The following RPTOR variants were observed in gnomAD, a reference collection of about 807,000 sequenced individuals.
RPTOR encodes the protein regulatory associated protein of MTOR complex 1, also known as regulatory-associated protein of mTOR.
A neutral mutation model predicts 169.9 loss-of-function variants in RPTOR; 21 were observed. That is an observed-to-expected ratio of 0.12 (90% CI 0.09 to 0.18). The LOEUF is 0.18. Ranked by LOEUF, RPTOR falls within the 10% of genes least tolerant of loss-of-function variation. RPTOR has a pLI of 1.00. For synonymous variants in RPTOR, 732 were observed against 753.2 expected, an observed-to-expected ratio of 0.97 and a Z score of 0.46; for missense variants, 1,133 against 1,855.9, an observed-to-expected ratio of 0.61 and a Z score of 7.16.
chr17:80,735,354 C>T (rs1356713002), intron 5 of RPTOR, among the ~76,000 whole-genome samples: 1 of 152,036 alleles, frequency 6.6e-6, no homozygotes, highest in African/African-American at 2.4e-5. Context: ...CAGATAAATG[C>T]CATAAGAGGA....
At chr17:80,937,118 G>A (rs879446295) in intron 24 of RPTOR, among the ~76,000 whole-genome samples, 5 of 152,196 alleles carry the variant, frequency 3.3e-5, no homozygotes, top group Non-Finnish European at 5.9e-5. Context: ...CATCACAGAG[G>A]CAAATTTGCC....
At chr17:80,958,208 CCA>C (rs2069281395) in intron 29 of RPTOR, among the ~76,000 whole-genome samples, 2 of 148,956 alleles carry the variant, frequency 1.3e-5, no homozygotes, top group South Asian at 2.2e-4. Flanking sequence ...CCCCCCCCCC[CCA>C]CCACCAAGTA....
chr17:80,882,828 A>G (rs980135963), intron 14 of RPTOR, among the ~76,000 whole-genome samples: 3 of 152,228 alleles, frequency 2.0e-5, no homozygotes, highest in Non-Finnish European at 4.4e-5. Context: ...GCAATAATCC[A>G]AGGAGCCCTG....
At chr17:80,825,551 T>C (rs1031352440) in intron 9 of RPTOR, among the ~76,000 whole-genome samples, 3 of 152,228 alleles carry the variant, frequency 2.0e-5, no homozygotes, top group Admixed American at 2.0e-4. Flanking sequence ...AAAGGCCAGC[T>C]ATTCTGCAGA....
intron 5 of RPTOR, among the ~76,000 whole-genome samples, chr17:80,734,079 C>T (rs1159993583): frequency 1.3e-5 from 2 of 152,230 alleles, no homozygotes; most frequent in Non-Finnish European, 2.9e-5. Flanking sequence ...AACCTTGTAC[C>T]TGATTATGAC....
intron 1 of RPTOR, among the ~76,000 whole-genome samples, chr17:80,591,916 T>C (rs1184385310): frequency 6.6e-6 from 1 of 152,226 alleles, no homozygotes; most frequent in Non-Finnish European, 1.5e-5. Context: ...AACCAGCTTG[T>C]GGCTTTGTGG....
At chr17:80,958,778 T>G (rs2069293689) in intron 29 of RPTOR, among the ~76,000 whole-genome samples, 1 of 152,160 alleles carries the variant, frequency 6.6e-6, no homozygotes, top group South Asian at 2.1e-4. Context: ...AGTACATTGG[T>G]TTTGCCCAAG....
chr17:80,699,593 A>G (rs199798428), intron 3 of RPTOR, among the ~76,000 whole-genome samples: 4 of 112,674 alleles, frequency 3.6e-5, no homozygotes, highest in African/African-American at 1.4e-4. Context: ...TGTGCACAGT[A>G]CCCTGGTGCA....
chr17:80,959,961 C>T lies in RPTOR; in HGVS notation c.3478-117C>T. ...GGATAGAGAGAAAGGCCCCTGCAGC[C>T]AGGGAGGGTGATCCCCACAGCCAGG... On this transcript the variant is annotated intron_variant, in intron 29 of 33. Transcript: ENST00000306801. This position sits in a 1 kb window ranked among gnomAD's most constrained non-coding sequence, Gnocchi z 6.7. 2 of 1,307,886 alleles carry T rather than the reference C, an allele frequency of 1.5e-6. No individual in the cohort carries two copies. The highest frequency in any genetic ancestry group is 4.7e-5 in the East Asian group (2 of 42,432). The allele number at this position is 1,307,886 out of a possible 1,614,324, so 81.0% of individuals were successfully genotyped here. A position where few individuals can be genotyped will look rare whatever the true frequency, so the allele number is the denominator to read the frequency against.
At chr17:80,570,044 G>A (rs2064887037) in intron 1 of RPTOR, among the ~76,000 whole-genome samples, 1 of 152,004 alleles carries the variant, frequency 6.6e-6, no homozygotes, top group African/African-American at 2.4e-5. Context: ...CCGTGTGGCT[G>A]TCTCCTCCTT....
chr17:80,913,706 C>G (rs1463461258), intron 21 of RPTOR, among the ~76,000 whole-genome samples: 83 of 152,246 alleles, frequency 5.5e-4, no homozygotes, highest in South Asian at 3.7e-3. Flanking sequence ...ACCCACATTT[C>G]CCTCCCAAAA....
intron 5 of RPTOR, among the ~76,000 whole-genome samples, chr17:80,740,877 T>C (rs1420744319): frequency 6.6e-6 from 1 of 152,204 alleles, no homozygotes; most frequent in Non-Finnish European, 1.5e-5. Context: ...TATCCATTCT[T>C]ATCACTGTTA....
At chr17:80,865,142 A>G (rs1483272204) in intron 13 of RPTOR, among the ~76,000 whole-genome samples, 6 of 152,270 alleles carry the variant, frequency 3.9e-5, no homozygotes, top group Non-Finnish European at 8.8e-5. Context: ...GCAGTAGTCC[A>G]TAAACCCTAA....
At chr17:80,840,859 A>C (rs867446546) in intron 10 of RPTOR, among the ~76,000 whole-genome samples, 1 of 83,986 alleles carries the variant, frequency 1.2e-5, no homozygotes, top group African/African-American at 5.2e-5. Context: ...CACACTCACC[A>C]CACGGCAGCT....
At chr17:80,833,868 A>G (rs1213816371) in intron 9 of RPTOR, among the ~76,000 whole-genome samples, 1 of 152,208 alleles carries the variant, frequency 6.6e-6, no homozygotes, top group Non-Finnish European at 1.5e-5. Flanking sequence ...ACATTCCTGT[A>G]ATCCCAGCTA....
At chr17:80,656,750 T>C (rs544574217) in intron 3 of RPTOR, among the ~76,000 whole-genome samples, 1 of 152,318 alleles carries the variant, frequency 6.6e-6, no homozygotes, top group Non-Finnish European at 1.5e-5. Context: ...GCGTGTGACA[T>C]GATGAGCTGG....
Position 80,793,454 on chromosome 17 carries a change from G to A in RPTOR, c.890+1945G>A, listed in dbSNP as rs138195359. On this transcript the variant is annotated intron_variant, in intron 7 of 33. Transcript: ENST00000306801. The stretch of plus-strand genomic sequence containing the variant: ...ACTGTCTTGGTGTTTTCTGTTTGTC[G>A]TGCCTCCCTGTGGCTATTTCCATGG... Among the ~76,000 whole-genome samples, 21 of 152,248 alleles carry A rather than the reference G, an allele frequency of 1.4e-4. No homozygotes were observed. In the East Asian group the frequency reaches 2.7e-3, roughly 20 times the overall value.
intron 1 of RPTOR, among the ~76,000 whole-genome samples, chr17:80,566,411 T>C (rs8068176): frequency 0.011 from 1,655 of 152,346 alleles, 26 homozygotes; most frequent in African/African-American, 0.038. Flanking sequence ...ATGAACCTAT[T>C]TGTGTTTTTA....
At chr17:80,653,008 A>G (rs1213720791) in intron 3 of RPTOR, among the ~76,000 whole-genome samples, 2 of 152,218 alleles carry the variant, frequency 1.3e-5, no homozygotes. Context: ...TGATGTTGCC[A>G]TCTTTTCATG....
Sources: gnomAD v4.1 joint callset for allele counts (sites outside exome capture counted in the v4.1 genomes callset) on GRCh38, gnomAD v4.1.1 for gene constraint, Gnocchi (gnomAD v3.1) non-coding constraint, MANE v1.5 for transcripts, NCBI Gene and HGNC (gene_info 2026-07-23, HGNC 2026-07-21) for gene names.